Variants in LMCD1 observed in about 807,000 individuals in gnomAD.
LMCD1 encodes the protein LIM and cysteine-rich domains protein 1.
A neutral mutation model predicts 42.7 loss-of-function variants in LMCD1; 32 were observed. The observed-to-expected ratio is 0.75, with a 90% CI of 0.57 to 1.01. LMCD1 has a LOEUF of 1.01. Among genes scored for constraint, LMCD1 ranks in the 50% least tolerant of loss-of-function variants. LMCD1 has a pLI of 0.00. For missense variants in LMCD1, 458 were observed against 483.1 expected (o/e 0.95, Z 0.49); for synonymous variants, 178 against 184.9 (o/e 0.96, Z 0.30).
At position 8,538,432 on chromosome 3, in the gene LMCD1, T is replaced by C. The variant is rs1694552921; in HGVS notation, c.387+992T>C. Among the ~76,000 whole-genome samples the C allele has an allele frequency of 1.3e-5, 2 of 152,234 alleles. 1 individual carries two copies. Among genetic ancestry groups the C allele is most frequent in the Admixed American group, 1.3e-4 (2 of 15,288 alleles). On this transcript the variant is annotated intron_variant, in intron 3 of 5. Coordinates refer to ENST00000157600, the MANE Select transcript of LMCD1 (RefSeq NM_014583.4). ...TTAAAAATGCAAGCATGGCATTTAATTGAATATCTGCTGGAAGAAAAGGAG... is the reference window on the plus strand; with the variant it reads ...TTAAAAATGCAAGCATGGCATTTAACTGAATATCTGCTGGAAGAAAAGGAG...
intron 4 of LMCD1, 22 bp from the exon 5 acceptor site, chr3:8,565,410 T>TGGTC: frequency 6.2e-7 from 1 of 1,605,918 alleles, no homozygotes; most frequent in Non-Finnish European, 8.5e-7. Context: ...TTGTCTCCTA[T>TGGTC]GGTCCTTCCC....
chr3:8,540,579 C>G (rs1694604199), intron 3 of LMCD1, among the ~76,000 whole-genome samples: 1 of 152,190 alleles, frequency 6.6e-6, no homozygotes, highest in African/African-American at 2.4e-5. Flanking sequence ...CCAATCCAGG[C>G]CAGGCCAGGC....
chr3:8,504,779 A>C (rs1046740518), intron 1 of LMCD1, among the ~76,000 whole-genome samples: 2 of 152,250 alleles, frequency 1.3e-5, no homozygotes, highest in African/African-American at 4.8e-5. Context: ...AGAATGGTGA[A>C]ATCGCCAACA....
chr3:8,517,101 T>C (rs1436745287), intron 1 of LMCD1, among the ~76,000 whole-genome samples: 1 of 152,206 alleles, frequency 6.6e-6, no homozygotes, highest in Non-Finnish European at 1.5e-5. Flanking sequence ...ATGTGGGCAA[T>C]TCAACCCATA....
At chr3:8,553,853 T>A (rs2125035163) in intron 4 of LMCD1, among the ~76,000 whole-genome samples, 1 of 152,282 alleles carries the variant, frequency 6.6e-6, no homozygotes, top group Non-Finnish European at 1.5e-5. Context: ...CTGCACCCAC[T>A]GTCACCCCTG....
At chr3:8,516,486 G>A (rs1023258061) in intron 1 of LMCD1, among the ~76,000 whole-genome samples, 4 of 152,042 alleles carry the variant, frequency 2.6e-5, no homozygotes, top group African/African-American at 7.3e-5. Context: ...GGAAAGTGGC[G>A]GAATCATTGC....
chr3:8,543,649 A>G (rs1694679716), intron 3 of LMCD1, among the ~76,000 whole-genome samples: 1 of 152,074 alleles, frequency 6.6e-6, no homozygotes, highest in Non-Finnish European at 1.5e-5. Flanking sequence ...CACCTGGCTG[A>G]TTTTTCAGTA....
At chr3:8,565,816 G>A (rs932525722) in intron 5 of LMCD1, among the ~76,000 whole-genome samples, 169 bp downstream of exon 5, 3 of 152,210 alleles carry the variant, frequency 2.0e-5, no homozygotes, top group South Asian at 2.1e-4. Flanking sequence ...TCTGCAAAAT[G>A]AGGCAGACAA....
chr3:8,521,384 C>T (rs1694200245), intron 1 of LMCD1, among the ~76,000 whole-genome samples: 1 of 152,216 alleles, frequency 6.6e-6, no homozygotes, highest in Admixed American at 6.5e-5. Flanking sequence ...TCGTTCCATA[C>T]TCCTCTTTTT....
intron 1 of LMCD1, among the ~76,000 whole-genome samples, chr3:8,512,284 A>T (rs1344039105): frequency 6.6e-6 from 1 of 152,242 alleles, no homozygotes. Flanking sequence ...CACAGTTCTT[A>T]CTTCAAATAT....
rs770721815 is a variant in LMCD1 at position 8,565,384 on chromosome 3, T to C, written c.724-48T>C. ...GCTGGAATTCGAACCCATGTCACTG[T>C]GCTCTCCTGACTTCCTTGTCTCCTA... On this transcript the variant is annotated intron_variant, in intron 4 of 5. Transcript: ENST00000157600. 6 of 1,533,936 alleles carry C rather than the reference T, an allele frequency of 3.9e-6. No individual in the cohort carries two copies. In the South Asian group the frequency reaches 6.7e-5, roughly 17 times the overall value.
chr3:8,565,304 G>T lies in LMCD1; in HGVS notation c.724-128G>T, dbSNP rs1457916731. On this transcript the variant is annotated intron_variant, in intron 4 of 5. Coordinates refer to ENST00000157600, the MANE Select transcript of LMCD1 (RefSeq NM_014583.4). ...TCGCTTTGCAGATGACAAAACTGAG[G>T]CACGAAGAGGTATAGTGACTTGCCC... The T allele has an allele frequency of 5.4e-6, 4 of 734,572 alleles. No homozygotes were observed. In the East Asian group the frequency reaches 9.9e-5, roughly 18 times the overall value. The allele number at this position is 734,572 out of a possible 1,614,324, so 45.5% of individuals were successfully genotyped here.
chr3:8,502,159 C>A (rs1297026190), intron 1 of LMCD1, among the ~76,000 whole-genome samples, 179 bp downstream of exon 1: 3 of 145,070 alleles, frequency 2.1e-5, no homozygotes, highest in Non-Finnish European at 3.0e-5. Flanking sequence ...CACCCCAAAC[C>A]CAATGTTGTG....
chr3:8,512,980 A>G (rs140598853), intron 1 of LMCD1, among the ~76,000 whole-genome samples: 161 of 152,292 alleles, frequency 1.1e-3, no homozygotes, highest in African/African-American at 3.6e-3. Context: ...TCACTTCCCC[A>G]TAAACACAAG....
chr3:8,537,191 A>G lies in LMCD1; in HGVS notation c.138A>G (p.Ile46Met), dbSNP rs1694524900. 1 of 1,613,746 alleles carries G rather than the reference A, an allele frequency of 6.2e-7. No homozygotes were observed. Among genetic ancestry groups the G allele is most frequent in the South Asian group, 1.1e-5 (1 of 91,046 alleles). The change falls in exon 3 of 6, where the codon ATA becomes ATG. Residue 46 changes from isoleucine (I) to methionine (M), a missense_variant. By Grantham distance (10) the Ile-to-Met change is conservative. Coordinates refer to ENST00000157600, the MANE Select transcript of LMCD1 (RefSeq NM_014583.4). ...CCCATCCACCCACCCCCAGGAAAAT[A>G]TGCAAGTCTTGCAAATGCAGCCAAG... The part of the protein sequence containing the change: ...SGFEPHSWRK[I>M]CKSCKCSQED...
intron 4 of LMCD1, among the ~76,000 whole-genome samples, chr3:8,549,600 A>G (rs927765666): frequency 4.6e-5 from 7 of 152,244 alleles, no homozygotes; most frequent in Admixed American, 3.3e-4. Flanking sequence ...GGTCAGAGGT[A>G]CATGGTCCAT....
At position 8,537,420 on chromosome 3, in the gene LMCD1, C is replaced by T; in HGVS notation, c.367C>T (p.Pro123Ser). ...CACCATCACCTACGAGTGGGCTCCC[C>T]CTGGAGTCACCCAGAAACTGGTAAG... ...FDTITYEWAP[P>S]GVTQKLGLQY... The change falls in exon 3 of 6, where the codon CCT becomes TCT. Residue 123 changes from proline to serine, a missense_variant. Pro to Ser is a moderately conservative substitution (Grantham distance 74). Coordinates refer to ENST00000157600, the MANE Select transcript of LMCD1 (RefSeq NM_014583.4). 1.3e-6 allele frequency: 2 copies of T among 1,592,656 alleles called. No individual in the cohort carries two copies. Among genetic ancestry groups the T allele is most frequent in the Non-Finnish European group, 1.7e-6 (2 of 1,166,110 alleles).
chr3:8,519,657 A>G (rs1234172012), intron 1 of LMCD1, among the ~76,000 whole-genome samples: 1 of 152,060 alleles, frequency 6.6e-6, no homozygotes, highest in Non-Finnish European at 1.5e-5. Context: ...CAATTAGATC[A>G]TTATGCAGGG....
At chr3:8,560,387 T>G (rs1695011366) in intron 4 of LMCD1, among the ~76,000 whole-genome samples, 1 of 152,104 alleles carries the variant, frequency 6.6e-6, no homozygotes, top group African/African-American at 2.4e-5. Context: ...CCTCCTTCCT[T>G]CAGTGTATCA....
Sources: allele counts gnomAD v4.1 joint callset (sites outside exome capture counted in the v4.1 genomes callset), GRCh38; gene constraint gnomAD v4.1.1; transcripts MANE v1.5; gene names NCBI Gene and HGNC (gene_info 2026-07-23, HGNC 2026-07-21).